The following ANK3 variants were observed in gnomAD, a reference collection of about 807,000 sequenced individuals.
ANK3 encodes the protein ankyrin 3, also known as ankyrin-3.
In ANK3, 57 loss-of-function variants were observed where a neutral mutation model predicts 370.9. The ratio of observed to expected loss-of-function variants is 0.15; its 90% CI spans 0.12 to 0.19. ANK3 has a LOEUF of 0.19. ANK3 is among the 10% of genes least tolerant of loss of function. ANK3 has a pLI of 1.00. For missense variants in ANK3, 4,439 were observed against 5,302.1 expected (o/e 0.84, Z 5.06); for synonymous variants, 1,929 against 1,946.3 (o/e 0.99, Z 0.23).
At chr10:60,041,299 T>C (rs1267966751) in intron 43 of ANK3, among the ~76,000 whole-genome samples, 1 of 152,194 alleles carries the variant, frequency 6.6e-6, no homozygotes, top group African/African-American at 2.4e-5. Flanking sequence ...CAGCCCAGAA[T>C]CCTTACAGGG....
chr10:60,622,702 T>C (rs1018114826), intron 1 of ANK3, among the ~76,000 whole-genome samples: 14 of 152,166 alleles, frequency 9.2e-5, no homozygotes, highest in Non-Finnish European at 2.9e-5. Flanking sequence ...AAAAGAGCTA[T>C]CTTAGTAAAA....
intron 2 of ANK3, among the ~76,000 whole-genome samples, chr10:60,537,304 T>A (rs1667347788): frequency 6.6e-6 from 1 of 152,016 alleles, no homozygotes; most frequent in Admixed American, 6.6e-5. Flanking sequence ...AAGGATGTGT[T>A]AAACAATTCA....
intron 1 of ANK3, among the ~76,000 whole-genome samples, chr10:60,355,659 G>T (rs61846510): frequency 1.8e-4 from 27 of 152,244 alleles, no homozygotes; most frequent in African/African-American, 6.5e-4. Context: ...TGAAGTGCTC[G>T]CTCACCTCCA....
intron 2 of ANK3, among the ~76,000 whole-genome samples, chr10:60,486,435 G>T (rs1467430412): frequency 1.3e-5 from 2 of 152,046 alleles, no homozygotes; most frequent in Admixed American, 6.6e-5. Flanking sequence ...AAAAAATTAG[G>T]CTGGGTGTGG....
intron 1 of ANK3, among the ~76,000 whole-genome samples, chr10:60,640,993 A>G (rs2078624652): frequency 6.9e-6 from 1 of 144,152 alleles, no homozygotes; most frequent in African/African-American, 2.6e-5. Flanking sequence ...ATAACAGACA[A>G]ACGGAGAGCC....
At chr10:60,180,197 A>G (rs1412911481) in intron 18 of ANK3, among the ~76,000 whole-genome samples, 1 of 152,198 alleles carries the variant, frequency 6.6e-6, no homozygotes, top group Non-Finnish European at 1.5e-5. Flanking sequence ...ATTACTAGTT[A>G]CTTCAATATG....
intron 1 of ANK3, among the ~76,000 whole-genome samples, chr10:60,671,940 G>A (rs1380316766): frequency 6.6e-6 from 1 of 152,184 alleles, no homozygotes; most frequent in Non-Finnish European, 1.5e-5. Flanking sequence ...GATAACTGCA[G>A]TCCCAGCTGA....
chr10:60,448,007 T>C (rs2064496264), intron 2 of ANK3, among the ~76,000 whole-genome samples: 1 of 152,068 alleles, frequency 6.6e-6, no homozygotes, highest in African/African-American at 2.4e-5. Context: ...GCAGATAGGC[T>C]CCCCCTGCCA....
At chr10:60,353,642 C>G (rs1328028896) in intron 1 of ANK3, among the ~76,000 whole-genome samples, 1 of 152,196 alleles carries the variant, frequency 6.6e-6, no homozygotes, top group Non-Finnish European at 1.5e-5. Context: ...CAGAAGATAA[C>G]AGGCGCCATC....
intron 9 of ANK3, among the ~76,000 whole-genome samples, chr10:60,209,638 G>A (rs901917685): frequency 6.6e-5 from 10 of 152,136 alleles, no homozygotes; most frequent in Admixed American, 2.6e-4. Flanking sequence ...ATTTTAAACC[G>A]TAGAAATTAA....
chr10:60,455,446 A>T (rs909381803), intron 2 of ANK3, among the ~76,000 whole-genome samples: 1 of 152,242 alleles, frequency 6.6e-6, no homozygotes. Flanking sequence ...CTTAAGCAGC[A>T]ACAAATAATA....
intron 1 of ANK3, among the ~76,000 whole-genome samples, chr10:60,616,292 T>C (rs926983907): frequency 1.3e-5 from 2 of 152,166 alleles, no homozygotes; most frequent in Admixed American, 6.5e-5. Flanking sequence ...GTAAATGTAA[T>C]AGCTTTGTAT....
intron 28 of ANK3, among the ~76,000 whole-genome samples, chr10:60,098,727 G>C (rs945467406): frequency 5.3e-5 from 8 of 152,012 alleles, no homozygotes; most frequent in Non-Finnish European, 7.4e-5. Flanking sequence ...AGTACGAAAG[G>C]CTCCATGCAC....
At chr10:60,469,037 A>G (rs1273773654) in intron 2 of ANK3, among the ~76,000 whole-genome samples, 3 of 58,726 alleles carry the variant, frequency 5.1e-5, no homozygotes, top group South Asian at 7.2e-4. Flanking sequence ...TAGTGTATAT[A>G]TATATATATA....
intron 2 of ANK3, among the ~76,000 whole-genome samples, chr10:60,411,759 C>T (rs557568481): frequency 1.6e-4 from 24 of 152,186 alleles, no homozygotes; most frequent in African/African-American, 5.3e-4. Flanking sequence ...TCTGCCTGTG[C>T]CTCAGTTTCC....
chr10:60,206,761 A>G (rs572203483), intron 10 of ANK3, among the ~76,000 whole-genome samples: 2 of 152,348 alleles, frequency 1.3e-5, no homozygotes, highest in South Asian at 2.1e-4. Context: ...GCTTTTTAAT[A>G]AATTATGTCC....
chr10:60,478,071 C>T (rs761477022), intron 2 of ANK3, among the ~76,000 whole-genome samples: 6 of 151,968 alleles, frequency 3.9e-5, no homozygotes, highest in Non-Finnish European at 5.9e-5. Context: ...TTTGGGCAAA[C>T]GGAAACGGGG....
rs575060889 is a variant in ANK3, at chr10:60,397,211, A to C, written c.97-117572T>G. 3.0e-4 allele frequency among the ~76,000 whole-genome samples: 46 copies of C among 152,094 alleles called. 2 individuals carry two copies. In the East Asian group the frequency reaches 7.9e-3, roughly 26 times the overall value. ...TACTTATAGTAGGATTAAAAAAAAA[A>C]AAAAACTAAACACTACTCCAGATGC... is the stretch of plus-strand genomic sequence containing the variant. On this transcript the variant is annotated intron_variant, in intron 2 of 43. Transcript: ENST00000373827.
intron 25 of ANK3, among the ~76,000 whole-genome samples, chr10:60,115,547 T>A (rs2093024464): frequency 6.6e-6 from 1 of 152,198 alleles, no homozygotes; most frequent in South Asian, 2.1e-4. Context: ...AAGTGCTTTA[T>A]AATAACTATG....
Sources: gnomAD v4.1 joint callset for allele counts (sites outside exome capture counted in the v4.1 genomes callset) on GRCh38, gnomAD v4.1.1 for gene constraint, MANE v1.5 for transcripts, NCBI Gene and HGNC (gene_info 2026-07-23, HGNC 2026-07-21) for gene names.